Variants in KLHL14 observed in about 807,000 individuals in gnomAD.
KLHL14 encodes kelch-like protein 14.
A neutral mutation model predicts 64.3 loss-of-function variants in KLHL14; 22 were observed. The observed-to-expected ratio is 0.34, with a 90% CI of 0.24 to 0.49. The LOEUF is 0.49. KLHL14 is among the 20% of genes least tolerant of loss of function. The pLI is 0.99. For missense variants in KLHL14, 661 were observed against 789.0 expected (o/e 0.84, Z 1.94); for synonymous variants, 322 against 333.4 (o/e 0.97, Z 0.37).
chr18:32,758,932 C>T (rs376733432), intron 2 of KLHL14, among the ~76,000 whole-genome samples: 17 of 152,056 alleles, frequency 1.1e-4, no homozygotes, highest in Admixed American at 2.0e-4. Context: ...GGCTGAAAGT[C>T]GGGCGGATGA....
chr18:32,725,613 C>T (rs1470897831), intron 3 of KLHL14, among the ~76,000 whole-genome samples: 2 of 152,202 alleles, frequency 1.3e-5, no homozygotes, highest in Non-Finnish European at 2.9e-5. Context: ...CAGTATTGTC[C>T]AGTGTCTGCG....
intron 3 of KLHL14, among the ~76,000 whole-genome samples, chr18:32,695,791 A>G (rs1173923935): frequency 6.6e-6 from 1 of 152,132 alleles, no homozygotes; most frequent in Non-Finnish European, 1.5e-5. Context: ...ACATAATGTG[A>G]TTCCAGAAAT....
chr18:32,748,545 A>G (rs761113107), intron 2 of KLHL14, among the ~76,000 whole-genome samples: 2 of 151,282 alleles, frequency 1.3e-5, no homozygotes, highest in African/African-American at 2.4e-5. Context: ...AATTTTTTGT[A>G]TATTTAGTAG....
chr18:32,677,421 C>A (rs568786167), intron 7 of KLHL14, 91 bp from the exon 8 acceptor site: 5 of 1,142,404 alleles, frequency 4.4e-6, no homozygotes, highest in East Asian at 2.6e-5. Context: ...AAGTCTCAAG[C>A]CAAAATAGAT....
At chr18:32,679,616 T>G (rs1358269345) in intron 7 of KLHL14, among the ~76,000 whole-genome samples, 1 of 152,148 alleles carries the variant, frequency 6.6e-6, no homozygotes, top group East Asian at 1.9e-4. Flanking sequence ...AACATGTCTC[T>G]AAAAATGCTA....
chr18:32,741,275 T>C (rs544501447), intron 3 of KLHL14, among the ~76,000 whole-genome samples: 2 of 152,290 alleles, frequency 1.3e-5, no homozygotes, highest in East Asian at 3.9e-4. Context: ...TCATAACCGA[T>C]ATAACAATAA....
chr18:32,724,934 CA>C (rs1429509350), intron 3 of KLHL14, among the ~76,000 whole-genome samples: 2 of 152,012 alleles, frequency 1.3e-5, no homozygotes, highest in African/African-American at 2.4e-5. Flanking sequence ...GTGTTTGACA[CA>C]ATGCTGGACA....
At chr18:32,772,119 C>A in intron 1 of KLHL14, 1 of 241,080 alleles carries the variant, frequency 4.1e-6, no homozygotes. Context: ...CCCGCCGGCC[C>A]GCCCGCCCGG....
At chr18:32,772,281 G>C (rs2050393869) in intron 1 of KLHL14, 1 of 380,074 alleles carries the variant, frequency 2.6e-6, no homozygotes, top group African/African-American at 2.1e-5. Flanking sequence ...TTACCATCCC[G>C]TTCCAGGTGG....
intron 2 of KLHL14, among the ~76,000 whole-genome samples, chr18:32,764,389 T>C (rs1216144611): frequency 6.6e-6 from 1 of 152,172 alleles, no homozygotes; most frequent in Non-Finnish European, 1.5e-5. Context: ...AACTTCTAAC[T>C]TAGCACGGTA....
chr18:32,698,552 A>G (rs932770491), intron 3 of KLHL14, among the ~76,000 whole-genome samples: 1 of 152,190 alleles, frequency 6.6e-6, no homozygotes, highest in African/African-American at 2.4e-5. Context: ...TTGAGTGAAC[A>G]TGACCGCATT....
At chr18:32,739,047 G>A (rs561136549) in intron 3 of KLHL14, among the ~76,000 whole-genome samples, 4 of 152,218 alleles carry the variant, frequency 2.6e-5, no homozygotes, top group African/African-American at 9.6e-5. Flanking sequence ...CTCAACATAA[G>A]TGGGCAAAGT....
intron 2 of KLHL14, among the ~76,000 whole-genome samples, chr18:32,758,902 G>A (rs556846856): frequency 6.6e-6 from 1 of 152,304 alleles, no homozygotes; most frequent in African/African-American, 2.4e-5. Context: ...GTGACAGAAA[G>A]TAGATTAGTG....
At chr18:32,748,695 G>T (rs1269099478) in intron 2 of KLHL14, among the ~76,000 whole-genome samples, 2 of 141,112 alleles carry the variant, frequency 1.4e-5, no homozygotes, top group Middle Eastern at 3.5e-3. Context: ...TCACCATGTT[G>T]ACCACGCTGG....
At chr18:32,733,482 C>T (rs1036062070) in intron 3 of KLHL14, among the ~76,000 whole-genome samples, 20 of 151,876 alleles carry the variant, frequency 1.3e-4, no homozygotes, top group African/African-American at 3.6e-4. Flanking sequence ...GCATGGTCAC[C>T]GGCCTTGGAG....
chr18:32,743,834 T>C (rs1291060030), intron 2 of KLHL14: 1 of 152,230 alleles, frequency 6.6e-6, no homozygotes, highest in African/African-American at 2.4e-5. Context: ...ACATGCTATA[T>C]AATCTCCTAG....
At chr18:32,741,864 C>A in intron 3 of KLHL14, 64 bp downstream of exon 3, 1 of 1,437,836 alleles carries the variant, frequency 7.0e-7, no homozygotes, top group Non-Finnish European at 9.2e-7. Flanking sequence ...TTTTCAAATT[C>A]ATCAAGACAG....
intron 3 of KLHL14, among the ~76,000 whole-genome samples, chr18:32,714,297 T>C (rs2050034211): frequency 6.6e-6 from 1 of 152,180 alleles, no homozygotes; most frequent in South Asian, 2.1e-4. Context: ...TATGAGTTTA[T>C]AGGCTGGCGA....
At chr18:32,740,813 C>G (rs980162042) in intron 3 of KLHL14, 6 of 152,252 alleles carry the variant, frequency 3.9e-5, no homozygotes, top group Admixed American at 1.3e-4. Context: ...AGGGAGCTTT[C>G]TTGTTGCAGT....
Sources: gnomAD v4.1 joint callset for allele counts (sites outside exome capture counted in the v4.1 genomes callset) on GRCh38, gnomAD v4.1.1 for gene constraint, MANE v1.5 for transcripts, NCBI Gene and HGNC (gene_info 2026-07-23, HGNC 2026-07-21) for gene names.